ARB2A: variants seen among roughly 807,000 people sequenced by gnomAD.
ARB2A encodes the protein ARB2 cotranscriptional regulator A, also known as cotranscriptional regulator ARB2A.
the ARB2A span, among the ~76,000 whole-genome samples, chr5:94,040,513 C>T: frequency 1.3e-5 from 2 of 148,468 alleles, no homozygotes; most frequent in Admixed American, 1.3e-4. Flanking sequence ...CTCCCCCAAC[C>T]CCACAACAGG....
chr5:93,635,948 T>C, the ARB2A span, among the ~76,000 whole-genome samples: 1 of 152,228 alleles, frequency 6.6e-6, no homozygotes, highest in South Asian at 2.1e-4. Context: ...CCATAAAATT[T>C]ATGCTTACAA....
chr5:93,769,265 C>CAAGCTGG, the ARB2A span, among the ~76,000 whole-genome samples: 1 of 152,104 alleles, frequency 6.6e-6, no homozygotes, highest in South Asian at 2.1e-4. Flanking sequence ...TACAATTTAG[C>CAAGCTGG]AAGCTGGAAA....
At chr5:93,665,688 AC>A in the ARB2A span, among the ~76,000 whole-genome samples, 3 of 152,224 alleles carry the variant, frequency 2.0e-5, no homozygotes, top group Non-Finnish European at 4.4e-5. Flanking sequence ...TTTAACACAG[AC>A]CACTGCAAAT....
At chr5:93,770,556 C>A in the ARB2A span, among the ~76,000 whole-genome samples, 1 of 152,072 alleles carries the variant, frequency 6.6e-6, no homozygotes, top group Non-Finnish European at 1.5e-5. Context: ...ATCTAGAAAA[C>A]CCCATTGTCT....
chr5:93,973,595 C>T, the ARB2A span, among the ~76,000 whole-genome samples: 1 of 152,064 alleles, frequency 6.6e-6, no homozygotes, highest in Non-Finnish European at 1.5e-5. Flanking sequence ...ACAAGATGAC[C>T]TTCCCCAAGA....
chr5:93,825,415 T>A, the ARB2A span, among the ~76,000 whole-genome samples: 1 of 152,214 alleles, frequency 6.6e-6, no homozygotes, highest in Non-Finnish European at 1.5e-5. Flanking sequence ...TGTAAACTAC[T>A]GATTTGTTTG....
chr5:93,972,660 G>A, the ARB2A span, among the ~76,000 whole-genome samples: 1 of 152,134 alleles, frequency 6.6e-6, no homozygotes, highest in African/African-American at 2.4e-5. Context: ...CAAAGAAACT[G>A]AATGGGACCC....
chr5:93,710,461 G>A, the ARB2A span, among the ~76,000 whole-genome samples: 7 of 152,108 alleles, frequency 4.6e-5, no homozygotes, highest in African/African-American at 7.2e-5. Context: ...GAATCATGTA[G>A]TAAGAGCTAC....
chr5:93,627,738 C>A, the ARB2A span, among the ~76,000 whole-genome samples: 5 of 152,088 alleles, frequency 3.3e-5, no homozygotes, highest in Non-Finnish European at 7.3e-5. Context: ...CCATGCCCAG[C>A]CACAAAATGT....
chr5:93,847,725 C>G, the ARB2A span, among the ~76,000 whole-genome samples: 8 of 152,154 alleles, frequency 5.3e-5, 1 homozygote, highest in South Asian at 1.7e-3. Flanking sequence ...TATGAATTAA[C>G]ATGTATTAAA....
chr5:93,623,603 T>G, the ARB2A span, among the ~76,000 whole-genome samples: 1 of 152,332 alleles, frequency 6.6e-6, no homozygotes, highest in South Asian at 2.1e-4. Flanking sequence ...GACTCTCTGC[T>G]TGATTAGTCC....
At chr5:93,796,135 C>T in the ARB2A span, among the ~76,000 whole-genome samples, 31 of 152,168 alleles carry the variant, frequency 2.0e-4, no homozygotes, top group Non-Finnish European at 2.4e-4. Flanking sequence ...AGTAACAAGA[C>T]GGCTTTTCAA....
At chr5:94,049,535 T>C in the ARB2A span, among the ~76,000 whole-genome samples, 1 of 149,260 alleles carries the variant, frequency 6.7e-6, no homozygotes, top group Non-Finnish European at 1.5e-5. Flanking sequence ...CCATCTCTAC[T>C]AAAAGTACAA....
the ARB2A span, among the ~76,000 whole-genome samples, chr5:93,744,403 G>C: frequency 2.4e-5 from 3 of 127,444 alleles, no homozygotes; most frequent in African/African-American, 6.2e-5. Context: ...CCACTGCACT[G>C]CAGCCTGGGC....
chr5:93,621,890 AAG>A, the ARB2A span, among the ~76,000 whole-genome samples: 6 of 152,218 alleles, frequency 3.9e-5, no homozygotes, highest in African/African-American at 7.2e-5. Flanking sequence ...TGACTACTAA[AAG>A]AGCATCTAGG....
At chr5:93,649,598 A>AT in the ARB2A span, among the ~76,000 whole-genome samples, 1 of 152,178 alleles carries the variant, frequency 6.6e-6, no homozygotes. Flanking sequence ...ATTCTTTTTA[A>AT]TTTTTTTGGT....
At chr5:93,812,324 C>A in the ARB2A span, among the ~76,000 whole-genome samples, 3 of 152,080 alleles carry the variant, frequency 2.0e-5, no homozygotes, top group African/African-American at 7.2e-5. Context: ...AGCAGTAACA[C>A]AATGGTAATA....
chr5:93,734,499 AC>A, the ARB2A span: 1 of 152,232 alleles, frequency 6.6e-6, no homozygotes, highest in African/African-American at 2.4e-5. Flanking sequence ...GCACATATGT[AC>A]AAAAACATTA....
the ARB2A span, among the ~76,000 whole-genome samples, chr5:93,994,603 GA>G: frequency 6.6e-6 from 1 of 152,024 alleles, no homozygotes; most frequent in Non-Finnish European, 1.5e-5. Context: ...CTTATACACA[GA>G]TTTTTTTCAA....
Sources: allele counts gnomAD v4.1 joint callset (sites outside exome capture counted in the v4.1 genomes callset), GRCh38; gene constraint gnomAD v4.1.1; transcripts MANE v1.5; gene names NCBI Gene and HGNC (gene_info 2026-07-23, HGNC 2026-07-21).